L3MBTL1: variants seen among roughly 807,000 people sequenced by gnomAD.
L3MBTL1 encodes lethal(3)malignant brain tumor-like protein 1.
Under a neutral mutation model 105.3 loss-of-function variants are expected in L3MBTL1, and 75 were observed. The ratio of observed to expected loss-of-function variants is 0.71; its 90% CI spans 0.59 to 0.86. The LOEUF (loss-of-function observed/expected upper bound fraction) is 0.86, where lower values mean the gene tolerates loss of function less well. Among genes scored for constraint, L3MBTL1 ranks in the 40% least tolerant of loss-of-function variants. The pLI, the probability that L3MBTL1 is intolerant of heterozygous loss-of-function variation, is 0.00. For synonymous variants in L3MBTL1, 452 were observed against 436.2 expected, an observed-to-expected ratio of 1.04 and a Z score of -0.45; for missense variants, 1,069 against 1,126.4, an observed-to-expected ratio of 0.95 and a Z score of 0.73.
chr20:43,546,054 G>GA (rs1978579165), downstream of L3MBTL1, among the ~76,000 whole-genome samples: 1 of 152,246 alleles, frequency 6.6e-6, no homozygotes, highest in African/African-American at 2.4e-5. Context: ...GGCAAATGAA[G>GA]AAATACATAC....
intron 14 of L3MBTL1, 32 bp downstream of exon 14, chr20:43,534,125 G>A (rs1389253830): frequency 6.3e-7 from 1 of 1,594,204 alleles, no homozygotes; most frequent in Admixed American, 1.7e-5. Flanking sequence ...CCAGAGCTGA[G>A]CTCAGAAAGA....
chr20:43,530,903 AGT>A lies in L3MBTL1; in HGVS notation c.1284+16_1284+17del. The A allele has an allele frequency of 6.2e-7, 1 of 1,608,024 alleles. No homozygotes were observed. Among genetic ancestry groups the A allele is most frequent in the Non-Finnish European group, 8.5e-7 (1 of 1,176,210 alleles). ...AGCCAGAGCCACGTGAGTGCCCCTGAGTGAGAGTGGATGTCACTCCCATGTGC... is the reference window on the plus strand; with the variant it reads ...AGCCAGAGCCACGTGAGTGCCCCTGAGAGAGTGGATGTCACTCCCATGTGC... On this transcript the variant is annotated intron_variant, in intron 11 of 21. Transcript: ENST00000418998.
intron 8 of L3MBTL1, 61 bp from the exon 9 acceptor site, chr20:43,529,202 GC>G (rs2019195578): frequency 7.6e-7 from 1 of 1,321,650 alleles, no homozygotes; most frequent in East Asian, 2.5e-5. Context: ...TTCACCCCAA[GC>G]CCACTAGGCA....
intron 7 of L3MBTL1, among the ~76,000 whole-genome samples, chr20:43,517,389 C>T (rs1285991350): frequency 2.6e-5 from 4 of 152,102 alleles, no homozygotes; most frequent in Non-Finnish European, 5.9e-5. Flanking sequence ...CCAAGGCACC[C>T]AGCCTTTTTT....
chr20:43,529,706 CA>C (rs1369649163), intron 9 of L3MBTL1, among the ~76,000 whole-genome samples: 1 of 152,170 alleles, frequency 6.6e-6, no homozygotes, highest in Non-Finnish European at 1.5e-5. Context: ...TGACATGCCA[CA>C]GGGGTGGCAG....
At position 43,535,834 on chromosome 20, in the gene L3MBTL1, T is replaced by A; in HGVS notation, c.1826-3T>A. On this transcript the variant is annotated splice_polypyrimidine_tract_variant and splice_region_variant and intron_variant, in intron 16 of 21. Coordinates refer to ENST00000418998, the MANE Select transcript of L3MBTL1 (RefSeq NM_001377303.1). ...GAGGACCGCCTCCTTTCTGCTCTTT[T>A]AGGACCCAGAGAGCCCAGCTCTGCC... is the stretch of plus-strand genomic sequence containing the variant. 9 of 1,578,916 alleles carry A rather than the reference T, an allele frequency of 5.7e-6. No individual in the cohort carries two copies. Among genetic ancestry groups the A allele is most frequent in the Non-Finnish European group, 7.7e-6 (9 of 1,164,672 alleles).
At chr20:43,529,170 G>T in intron 8 of L3MBTL1, 94 bp from the exon 9 acceptor site, 1 of 840,096 alleles carries the variant, frequency 1.2e-6, no homozygotes. Flanking sequence ...ATACCAGGCG[G>T]GTGGGGCCTA....
chr20:43,533,200 C>T (rs1342977026), intron 12 of L3MBTL1, 142 bp from the exon 13 acceptor site: 3 of 745,642 alleles, frequency 4.0e-6, no homozygotes, highest in Middle Eastern at 2.6e-4. Flanking sequence ...ATTCATGTTG[C>T]AATTTTCTAA....
rs890388667 is a variant in L3MBTL1, at chr20:43,508,196, T to C, written c.-29+452T>C. Among the ~76,000 whole-genome samples, 8 of 143,032 alleles carry C rather than the reference T, an allele frequency of 5.6e-5. No individual in the cohort carries two copies. The South Asian group carries it at 6.3e-4, about 11-fold the overall frequency. 93.8% of individuals were successfully genotyped at this position (143,032 alleles called of 152,430 possible). ...TGGAATTTTTTTTGTTTCTCTCTCT[T>C]TTTTTTTTTTTGGCCATAAAGAGAA... On this transcript the variant is annotated intron_variant, in intron 1 of 21. Transcript: ENST00000418998.
Position 43,530,790 on chromosome 20 carries a change from G to A in L3MBTL1, c.1193-8G>A. 1 of 1,613,752 alleles carries A rather than the reference G, an allele frequency of 6.2e-7. No homozygotes were observed. The highest frequency in any genetic ancestry group is 1.1e-5 in the South Asian group (1 of 91,060). On this transcript the variant is annotated splice_polypyrimidine_tract_variant and splice_region_variant and intron_variant, in intron 10 of 21. Transcript: ENST00000418998. ...CGGCGCTCTGTTCATGCCCCTCGAG[G>A]GGCCTAGGTTACAAGGAGGAGGAGT...
intron 18 of L3MBTL1, among the ~76,000 whole-genome samples, chr20:43,547,609 C>A (rs911131714): frequency 6.6e-6 from 1 of 152,130 alleles, no homozygotes; most frequent in Admixed American, 6.5e-5. Context: ...CCCCCTGCCC[C>A]CCTCTGCTTT....
chr20:43,533,396 A>G lies in L3MBTL1; in HGVS notation c.1491A>G (p.Gly497=), dbSNP rs748876812. 1 of 1,613,836 alleles carries G rather than the reference A, an allele frequency of 6.2e-7. No homozygotes were observed. The highest frequency in any genetic ancestry group is 1.1e-5 in the South Asian group (1 of 91,014). ...CAGTGGGCTGGTGCCAGAAGCAAGG[A>G]AAGCCCCTCACCCCTCCACAAGGTG... The part of the protein sequence containing the change: ...IHPVGWCQKQ[G]KPLTPPQDYP... Residue 497 remains glycine, a synonymous_variant, in exon 13 of 22, where the codon GGA becomes GGG. Coordinates refer to ENST00000418998, the MANE Select transcript of L3MBTL1 (RefSeq NM_001377303.1).
chr20:43,534,126 C>A, intron 14 of L3MBTL1, 33 bp downstream of exon 14: 1 of 1,587,438 alleles, frequency 6.3e-7, no homozygotes, highest in Non-Finnish European at 8.7e-7. Context: ...CAGAGCTGAG[C>A]TCAGAAAGAC....
chr20:43,509,592 C>T (rs932736436), intron 1 of L3MBTL1, among the ~76,000 whole-genome samples: 1 of 152,236 alleles, frequency 6.6e-6, no homozygotes, highest in Non-Finnish European at 1.5e-5. Flanking sequence ...CCAGCCCCAA[C>T]CTCATCCATT....
chr20:43,531,056 C>G (rs41303935), intron 11 of L3MBTL1, 167 bp downstream of exon 11: 83,557 of 616,014 alleles, frequency 0.14, 6,354 homozygotes, highest in South Asian at 0.23. Context: ...GGGTCCAGGG[C>G]CAGAGATGGG....
chr20:43,532,471 G>A, intron 11 of L3MBTL1: 1 of 304,600 alleles, frequency 3.3e-6, no homozygotes, highest in South Asian at 8.0e-5. Flanking sequence ...TCTGGGTAGG[G>A]AAGATTTATA....
rs910742433 is a variant in L3MBTL1, at chr20:43,540,068, C to T, written c.2174-83C>T. The T allele has an allele frequency of 3.2e-6, 5 of 1,539,934 alleles. No individual in the cohort carries two copies. In the African/African-American group the frequency reaches 6.8e-5, roughly 21 times the overall value. ...TCCTGTCTACTCTGCCAGCCAGTCT[C>T]CTGAGTGGTGTGGGTATGCATGGGC... On this transcript the variant is annotated intron_variant, in intron 19 of 21. Transcript: ENST00000418998.
intron 7 of L3MBTL1, among the ~76,000 whole-genome samples, chr20:43,525,464 C>A (rs749361253): frequency 3.9e-5 from 6 of 152,198 alleles, no homozygotes; most frequent in Non-Finnish European, 8.8e-5. Context: ...ACAGTAGACT[C>A]AGCCACTTGG....
At position 43,540,214 on chromosome 20, in the gene L3MBTL1, G is replaced by A. The variant is rs200372314; in HGVS notation, c.2237G>A (p.Arg746His). 1.2e-5 allele frequency: 20 copies of A among 1,613,560 alleles called. No homozygotes were observed. Among genetic ancestry groups the A allele is most frequent in the African/African-American group, 4.0e-5 (3 of 75,024 alleles). Residue 746 changes from arginine to histidine, a missense_variant, in exon 20 of 22, where the codon CGC becomes CAC. Physicochemically the swap from Arg to His is conservative, Grantham distance 29 (BLOSUM62 0). Transcript: ENST00000418998. Reference sequence around the variant, plus strand: ...TCAGCCCTGTCGGCCCACCCTGACCGCTCACTCTCAGTGTGCTGGGAGCAG... The same window carrying A: ...TCAGCCCTGTCGGCCCACCCTGACCACTCACTCTCAGTGTGCTGGGAGCAG... The part of the protein sequence containing the change: ...FMSALSAHPD[R>H]SLSVCWEQHC...
Sources: allele counts gnomAD v4.1 joint callset (sites outside exome capture counted in the v4.1 genomes callset), GRCh38; gene constraint gnomAD v4.1.1; transcripts MANE v1.5; gene names NCBI Gene and HGNC (gene_info 2026-07-23, HGNC 2026-07-21).